The following NPHP1 variants were observed in gnomAD, a reference collection of about 807,000 sequenced individuals.
NPHP1 encodes the protein nephrocystin 1, also known as nephrocystin-1.
In NPHP1, 70 loss-of-function variants were observed where a neutral mutation model predicts 90.4. The ratio of observed to expected loss-of-function variants is 0.77; its 90% CI spans 0.64 to 0.95. NPHP1 has a LOEUF of 0.95. Ranked by LOEUF, NPHP1 falls within the 40% of genes least tolerant of loss-of-function variation. The pLI is 0.00. For synonymous variants in NPHP1, 256 were observed against 271.7 expected, an observed-to-expected ratio of 0.94 and a Z score of 0.57; for missense variants, 764 against 795.9, an observed-to-expected ratio of 0.96 and a Z score of 0.48.
intron 6 of NPHP1, among the ~76,000 whole-genome samples, chr2:110,166,629 A>C (rs1236600775): frequency 6.6e-6 from 1 of 152,180 alleles, no homozygotes; most frequent in African/African-American, 2.4e-5. Flanking sequence ...AACAGGATAA[A>C]ATACTGGATA....
At chr2:110,199,425 C>A (rs978144507) in intron 2 of NPHP1, among the ~76,000 whole-genome samples, 13 of 149,058 alleles carry the variant, frequency 8.7e-5, no homozygotes, top group East Asian at 1.9e-4. Flanking sequence ...AAAAAAAAAA[C>A]CAATATGACT....
chr2:110,184,743 AC>A, intron 2 of NPHP1: 1 of 717,418 alleles, frequency 1.4e-6, no homozygotes, highest in Admixed American at 1.8e-5. Context: ...AGACCCTCCT[AC>A]CTATCCATAA....
intron 16 of NPHP1, among the ~76,000 whole-genome samples, chr2:110,133,294 A>G (rs1202928820): frequency 6.6e-6 from 1 of 152,136 alleles, no homozygotes; most frequent in East Asian, 1.9e-4. Context: ...CAAGCCCCCC[A>G]AAAGTTACAA....
chr2:110,165,654 C>T (rs1034296716), intron 6 of NPHP1, among the ~76,000 whole-genome samples: 5 of 151,898 alleles, frequency 3.3e-5, no homozygotes, highest in African/African-American at 1.2e-4. Context: ...ATATCTAACA[C>T]ATAACTTAAG....
At chr2:110,169,341 C>A (rs903256640) in intron 5 of NPHP1, among the ~76,000 whole-genome samples, 1 of 152,068 alleles carries the variant, frequency 6.6e-6, no homozygotes, top group Non-Finnish European at 1.5e-5. Context: ...AACACAGGCT[C>A]AAAATCACAA....
In NPHP1 at chr2:110,169,846, C is replaced by G. The variant is rs1682990557; in HGVS notation, c.482G>C (p.Gly161Ala). 1.9e-5 allele frequency: 30 copies of G among 1,613,724 alleles called. No homozygotes were observed. Among genetic ancestry groups the G allele is most frequent in the Non-Finnish European group, 2.5e-5 (30 of 1,179,790 alleles). The change falls in exon 5 of 20, where the codon GGA (glycine) becomes GCA (alanine). Residue 161 changes from glycine (G) to alanine (A), a missense_variant. Gly to Ala is a moderately conservative substitution (Grantham distance 60). Transcript: ENST00000445609. ...TCCAACTTGCTGAGCAGTAAAATCT[C>G]CAACAGCGATGTATTCTTCACCGGT... is the stretch of plus-strand genomic sequence containing the variant. Reference protein sequence around the residue: ...WSTGEEYIAVGDFTAQQVGDL... With the variant: ...WSTGEEYIAVADFTAQQVGDL...
At chr2:110,167,981 C>T (rs1280131693) in intron 6 of NPHP1, among the ~76,000 whole-genome samples, 2 of 152,122 alleles carry the variant, frequency 1.3e-5, no homozygotes, top group Non-Finnish European at 2.9e-5. Flanking sequence ...TGGTTTGCAT[C>T]ATAGTTCTAC....
At chr2:110,133,630 G>A (rs966435595) in intron 16 of NPHP1, among the ~76,000 whole-genome samples, 3 of 152,124 alleles carry the variant, frequency 2.0e-5, no homozygotes, top group Middle Eastern at 6.8e-3. Flanking sequence ...CATATGTTGA[G>A]TCACAAAGTA....
intron 19 of NPHP1, 197 bp downstream of exon 19, chr2:110,125,440 G>T: frequency 8.4e-7 from 1 of 1,184,316 alleles, no homozygotes; most frequent in Non-Finnish European, 1.2e-6. Context: ...TCTTGAACAA[G>T]TATTCCTTCT....
At chr2:110,165,960 G>T (rs114259789) in intron 6 of NPHP1, among the ~76,000 whole-genome samples, 1 of 152,070 alleles carries the variant, frequency 6.6e-6, no homozygotes, top group East Asian at 1.9e-4. Context: ...AGTGCCATTC[G>T]CAAAGAAGAT....
At chr2:110,198,292 GA>G (rs945203579) in intron 2 of NPHP1, among the ~76,000 whole-genome samples, 1 of 152,118 alleles carries the variant, frequency 6.6e-6, no homozygotes, top group African/African-American at 2.4e-5. Flanking sequence ...GACACATTAT[GA>G]AATTCTGCTG....
At chr2:110,165,196 CAA>C (rs1408888282) in intron 6 of NPHP1, 41 bp from the exon 7 acceptor site, 2 of 1,457,520 alleles carry the variant, frequency 1.4e-6, no homozygotes, top group Non-Finnish European at 1.9e-6. Flanking sequence ...TTAACTAATG[CAA>C]AAAACAACCA....
chr2:110,187,764 G>A (rs1485605838), intron 2 of NPHP1, among the ~76,000 whole-genome samples: 6 of 151,916 alleles, frequency 3.9e-5, no homozygotes, highest in East Asian at 1.9e-4. Flanking sequence ...ACAAAAATCC[G>A]CAACAAAATA....
At chr2:110,144,730 A>G (rs1056934220) in intron 14 of NPHP1, among the ~76,000 whole-genome samples, 161 bp from the exon 15 acceptor site, 1 of 152,144 alleles carries the variant, frequency 6.6e-6, no homozygotes, top group Non-Finnish European at 1.5e-5. Flanking sequence ...ATGAGGTACT[A>G]TCTGGGCAAA....
intron 2 of NPHP1, among the ~76,000 whole-genome samples, chr2:110,187,569 A>G (rs1684383814): frequency 6.6e-6 from 1 of 152,168 alleles, no homozygotes; most frequent in South Asian, 2.1e-4. Context: ...AGATGAATTC[A>G]CAGCTGAATT....
chr2:110,190,570 C>T (rs535602187), intron 2 of NPHP1, among the ~76,000 whole-genome samples: 1 of 152,326 alleles, frequency 6.6e-6, no homozygotes, highest in Non-Finnish European at 1.5e-5. Context: ...CCACCCGCGC[C>T]TCTCCCTCCA....
intron 13 of NPHP1, 122 bp from the exon 14 acceptor site, chr2:110,146,957 A>G: frequency 4.1e-6 from 3 of 723,414 alleles, no homozygotes; most frequent in Non-Finnish European, 7.4e-6. Context: ...AGTTCTTCAC[A>G]AGAAAATAAA....
Position 110,147,921 on chromosome 2 carries a change from G to C in NPHP1, c.1264C>G (p.Arg422Gly), listed in dbSNP as rs974811294. Residue 422 changes from arginine (R) to glycine (G), a missense_variant, in exon 13 of 20, where the codon CGC (arginine) becomes GGC (glycine). Coordinates refer to ENST00000445609, the MANE Select transcript of NPHP1 (RefSeq NM_001128178.3). ...TTATCTTTCAACGGACATACATTGC[G>C]AATATAAGAAATTCCAAGTTCAAAT... ...ILFELGISYI[R>G]NSTGERGELS... 2 of 1,548,074 alleles carry C rather than the reference G, an allele frequency of 1.3e-6. No individual in the cohort carries two copies. Among genetic ancestry groups the C allele is most frequent in the Non-Finnish European group, 1.8e-6 (2 of 1,119,872 alleles).
At chr2:110,190,359 G>A (rs1684626547) in intron 2 of NPHP1, among the ~76,000 whole-genome samples, 1 of 152,200 alleles carries the variant, frequency 6.6e-6, no homozygotes, top group African/African-American at 2.4e-5. Context: ...GCGGGCTGAA[G>A]GTCCCGAGCC....
Sources: gnomAD v4.1 joint callset for allele counts (sites outside exome capture counted in the v4.1 genomes callset) on GRCh38, gnomAD v4.1.1 for gene constraint, MANE v1.5 for transcripts, NCBI Gene and HGNC (gene_info 2026-07-23, HGNC 2026-07-21) for gene names.